The following PCDH15 variants were observed in gnomAD, a reference collection of about 807,000 sequenced individuals.
PCDH15 encodes protocadherin related 15, also known as protocadherin-15.
Under a neutral mutation model 178.5 loss-of-function variants are expected in PCDH15, and 129 were observed. The ratio of observed to expected loss-of-function variants is 0.72; its 90% CI spans 0.63 to 0.84. The LOEUF is 0.84. Ranked by LOEUF, PCDH15 falls within the 40% of genes least tolerant of loss-of-function variation. The pLI is 0.00. For missense variants in PCDH15, 2,230 were observed against 2,099.9 expected (o/e 1.06, Z -1.21); for synonymous variants, 800 against 732.0 (o/e 1.09, Z -1.50).
At chr10:55,554,508 T>A (rs1842053654) in intron 2 of PCDH15, among the ~76,000 whole-genome samples, 1 of 152,012 alleles carries the variant, frequency 6.6e-6, no homozygotes, top group Admixed American at 6.6e-5. Context: ...ACAGTTGAAC[T>A]TTCAACAACT....
intron 2 of PCDH15, among the ~76,000 whole-genome samples, chr10:55,568,415 T>C (rs1353574150): frequency 6.6e-6 from 1 of 151,808 alleles, no homozygotes; most frequent in Non-Finnish European, 1.5e-5. Context: ...GGAGGGAAAA[T>C]TTTTCAGTTT....
At chr10:54,033,517 C>T (rs2093350059) in intron 18 of PCDH15, among the ~76,000 whole-genome samples, 1 of 151,878 alleles carries the variant, frequency 6.6e-6, no homozygotes, top group South Asian at 2.1e-4. Context: ...ATTGTTCTTT[C>T]AGCACTCATT....
chr10:54,035,066 C>T (rs895325861), intron 18 of PCDH15, among the ~76,000 whole-genome samples: 1 of 151,810 alleles, frequency 6.6e-6, no homozygotes, highest in Non-Finnish European at 1.5e-5. Context: ...ATTTCAATAT[C>T]AATTGGCCAA....
intron 13 of PCDH15, among the ~76,000 whole-genome samples, chr10:54,156,938 T>C (rs2045217448): frequency 6.6e-6 from 1 of 152,200 alleles, no homozygotes; most frequent in East Asian, 1.9e-4. Flanking sequence ...AATGATCTCT[T>C]TTGACTTCAT....
intron 1 of PCDH15, among the ~76,000 whole-genome samples, chr10:55,230,259 T>C (rs1841173655): frequency 1.3e-5 from 2 of 152,088 alleles, no homozygotes; most frequent in African/African-American, 4.8e-5. Context: ...GGAGTTGCAA[T>C]ATTATTTGAT....
At chr10:54,683,862 C>G (rs1315830058) in intron 1 of PCDH15, among the ~76,000 whole-genome samples, 1 of 152,036 alleles carries the variant, frequency 6.6e-6, no homozygotes, top group African/African-American at 2.4e-5. Context: ...TTTTCAAACC[C>G]TCAGTTTTTC....
At chr10:55,096,536 A>G (rs1307158608) in intron 2 of PCDH15, among the ~76,000 whole-genome samples, 3 of 152,148 alleles carry the variant, frequency 2.0e-5, no homozygotes, top group African/African-American at 7.2e-5. Context: ...TCAAGTGTAC[A>G]ATACATTGTT....
At chr10:54,113,893 G>A (rs2095068413) in intron 15 of PCDH15, among the ~76,000 whole-genome samples, 1 of 152,106 alleles carries the variant, frequency 6.6e-6, no homozygotes, top group Admixed American at 6.5e-5. Flanking sequence ...ATGGTGGAAG[G>A]CAGAGGAGGA....
At chr10:53,822,337 G>C in intron 32 of PCDH15, 2 of 1,593,732 alleles carry the variant, frequency 1.3e-6, no homozygotes, top group Non-Finnish European at 1.7e-6. Context: ...ACGGAAAGTG[G>C]AAAAAATGTA....
chr10:55,019,142 T>C (rs1840262207), intron 2 of PCDH15, among the ~76,000 whole-genome samples: 1 of 152,166 alleles, frequency 6.6e-6, no homozygotes, highest in Non-Finnish European at 1.5e-5. Flanking sequence ...AGTCATGAGA[T>C]TTTAAAGTTC....
At chr10:54,671,356 TCAGCAAAAAAAA>T (rs2094667182) in intron 1 of PCDH15, among the ~76,000 whole-genome samples, 1 of 152,030 alleles carries the variant, frequency 6.6e-6, no homozygotes, top group Non-Finnish European at 1.5e-5. Flanking sequence ...GGCAAATCCA[TCAGCAAAAAAAA>T]TCCAAAAGTA....
At chr10:54,280,737 C>T (rs1428253669) in intron 8 of PCDH15, among the ~76,000 whole-genome samples, 1 of 151,678 alleles carries the variant, frequency 6.6e-6, no homozygotes, top group South Asian at 2.1e-4. Flanking sequence ...GTCGGCTTTT[C>T]GTAGATGTTC....
At chr10:54,673,809 G>A (rs1219839930) in intron 1 of PCDH15, among the ~76,000 whole-genome samples, 1 of 152,082 alleles carries the variant, frequency 6.6e-6, no homozygotes, top group Non-Finnish European at 1.5e-5. Context: ...TACTGATTGG[G>A]AAATACAAAC....
At chr10:54,226,588 C>T (rs562627701) in intron 9 of PCDH15, among the ~76,000 whole-genome samples, 126 of 152,268 alleles carry the variant, frequency 8.3e-4, no homozygotes, top group Non-Finnish European at 1.3e-3. Context: ...CTTGACCTCT[C>T]CCAAATCTCA....
chr10:54,982,273 C>T (rs1839254442), intron 2 of PCDH15, among the ~76,000 whole-genome samples: 2 of 152,012 alleles, frequency 1.3e-5, no homozygotes, highest in East Asian at 1.9e-4. Context: ...TAGACACAAT[C>T]CTATGGTTAG....
At chr10:54,271,372 G>A (rs1343692871) in intron 8 of PCDH15, among the ~76,000 whole-genome samples, 4 of 151,884 alleles carry the variant, frequency 2.6e-5, no homozygotes, top group African/African-American at 4.8e-5. Flanking sequence ...CCCCACGCCC[G>A]GCTAATTTTT....
At chr10:55,517,418 C>T (rs997986067) in intron 2 of PCDH15, among the ~76,000 whole-genome samples, 5 of 152,122 alleles carry the variant, frequency 3.3e-5, no homozygotes, top group Admixed American at 6.6e-5. Flanking sequence ...CTGAGAAACC[C>T]GTGACCCATG....
chr10:54,891,630 C>T (rs1432946447), intron 3 of PCDH15, among the ~76,000 whole-genome samples: 2 of 152,128 alleles, frequency 1.3e-5, no homozygotes, highest in African/African-American at 4.8e-5. Context: ...CTGAAAGCCT[C>T]ATCAAAGTAA....
chr10:54,660,543 C>G (rs1440635262), intron 2 of PCDH15, among the ~76,000 whole-genome samples: 2 of 152,106 alleles, frequency 1.3e-5, no homozygotes, highest in East Asian at 3.9e-4. Flanking sequence ...ATAGAAAGAG[C>G]TAGTACCCAT....
Sources: gnomAD v4.1 joint callset for allele counts (sites outside exome capture counted in the v4.1 genomes callset) on GRCh38, gnomAD v4.1.1 for gene constraint, MANE v1.5 for transcripts, NCBI Gene and HGNC (gene_info 2026-07-23, HGNC 2026-07-21) for gene names.